MED13L: variants seen among roughly 807,000 people sequenced by gnomAD.
MED13L encodes mediator of RNA polymerase II transcription subunit 13-like.
Under a neutral mutation model 220.9 loss-of-function variants are expected in MED13L, and 7 were observed. The observed-to-expected ratio is 0.03, with a 90% CI of 0.02 to 0.06. MED13L has a LOEUF of 0.06. Ranked by LOEUF, MED13L falls within the 10% of genes least tolerant of loss-of-function variation. The pLI, the probability that MED13L is intolerant of heterozygous loss-of-function variation, is 1.00. For synonymous variants in MED13L, 1,011 were observed against 1,015.2 expected, an observed-to-expected ratio of 1.00 and a Z score of 0.08; for missense variants, 1,965 against 2,760.5, an observed-to-expected ratio of 0.71 and a Z score of 6.46.
Position 116,008,422 on chromosome 12 carries a change from G to A in MED13L, c.1991C>T (p.Ser664Leu), listed in dbSNP as rs771261289. The A allele has an allele frequency of 6.8e-6, 11 of 1,611,350 alleles. No individual in the cohort carries two copies. The highest frequency in any genetic ancestry group is 9.3e-6 in the Non-Finnish European group (11 of 1,179,458). ...TTACCTTTGCAATGCAGTGCTCTCT[G>A]AGTTTACCTCCATTTTGGCATCACA... The part of the protein sequence containing the change: ...ERCDAKMEVN[S>L]ESTALQRLLA... The change falls in exon 10 of 31, where the codon TCA (serine) becomes TTA (leucine). Residue 664 changes from serine to leucine, a missense_variant. This residue lies in a region of MED13L where 818 missense variants were observed against 1,041.2 expected (regional missense o/e 0.79). Transcript: ENST00000281928.
intron 2 of MED13L, among the ~76,000 whole-genome samples, chr12:116,228,129 CGG>C (rs2138420767): frequency 6.6e-6 from 1 of 152,028 alleles, no homozygotes; most frequent in East Asian, 1.9e-4. Flanking sequence ...TCTACCAAGA[CGG>C]AGAGAGGTGA....
intron 5 of MED13L, among the ~76,000 whole-genome samples, chr12:116,022,197 A>G (rs1440599676): frequency 6.6e-6 from 1 of 152,176 alleles, no homozygotes; most frequent in Admixed American, 6.5e-5. Flanking sequence ...GTTCTGAAGG[A>G]AATTCTACAT....
intron 4 of MED13L, among the ~76,000 whole-genome samples, chr12:116,046,361 C>G (rs1027088753): frequency 6.6e-6 from 1 of 152,040 alleles, no homozygotes; most frequent in African/African-American, 2.4e-5. Flanking sequence ...AGTTAATGCT[C>G]TGATACAAAA....
At chr12:116,028,193 A>C (rs1880516197) in intron 4 of MED13L, among the ~76,000 whole-genome samples, 1 of 152,218 alleles carries the variant, frequency 6.6e-6, no homozygotes, top group African/African-American at 2.4e-5. Flanking sequence ...AATTTGTTAA[A>C]ATGAGATCAG....
At chr12:116,067,744 G>C (rs890383630) in intron 4 of MED13L, among the ~76,000 whole-genome samples, 2 of 152,172 alleles carry the variant, frequency 1.3e-5, no homozygotes, top group African/African-American at 4.8e-5. Flanking sequence ...ACTACTAAAA[G>C]CACCAGACAC....
intron 10 of MED13L, chr12:116,008,001 G>T (rs1352114260): frequency 1.8e-5 from 6 of 328,842 alleles, no homozygotes; most frequent in Non-Finnish European, 3.3e-5. Flanking sequence ...GCTCAAAAGA[G>T]CTATAAATAT....
chr12:116,008,423 A>C lies in MED13L; in HGVS notation c.1990T>G (p.Ser664Ala). Residue 664 changes from serine to alanine, a missense_variant, in exon 10 of 31, where the codon TCA (serine) becomes GCA (alanine). Coordinates refer to ENST00000281928, the MANE Select transcript of MED13L (RefSeq NM_015335.5). ...ERCDAKMEVNSESTALQRLLA... is the reference protein window; with the variant it reads ...ERCDAKMEVNAESTALQRLLA... The stretch of plus-strand genomic sequence containing the variant: ...TACCTTTGCAATGCAGTGCTCTCTG[A>C]GTTTACCTCCATTTTGGCATCACAT... 6.2e-7 allele frequency: 1 copy of C among 1,611,456 alleles called. No individual in the cohort carries two copies. The highest frequency in any genetic ancestry group is 1.3e-5 in the African/African-American group (1 of 74,924).
chr12:116,165,569 T>TC (rs894669734), intron 2 of MED13L, among the ~76,000 whole-genome samples: 7 of 151,162 alleles, frequency 4.6e-5, no homozygotes, highest in Admixed American at 1.3e-4. Context: ...TACCTCGTGA[T>TC]CCCCCCCGCC....
intron 1 of MED13L, among the ~76,000 whole-genome samples, chr12:116,247,220 A>G (rs947113813): frequency 3.9e-5 from 6 of 151,916 alleles, no homozygotes; most frequent in African/African-American, 1.4e-4. Flanking sequence ...ATTCTGTAAG[A>G]GTATATAGCT....
intron 16 of MED13L, among the ~76,000 whole-genome samples, chr12:115,993,494 A>T (rs1251050539): frequency 6.6e-6 from 1 of 152,168 alleles, no homozygotes; most frequent in Non-Finnish European, 1.5e-5. Flanking sequence ...TAAAAGTCCA[A>T]ATCAGGCACT....
intron 4 of MED13L, among the ~76,000 whole-genome samples, chr12:116,084,345 A>C (rs1871462451): frequency 6.6e-6 from 1 of 152,216 alleles, no homozygotes; most frequent in Non-Finnish European, 1.5e-5. Context: ...CTCGTGTTCA[A>C]GTCAGTAGTA....
intron 1 of MED13L, among the ~76,000 whole-genome samples, chr12:116,244,539 G>T (rs188499675): frequency 6.6e-6 from 1 of 152,296 alleles, no homozygotes; most frequent in African/African-American, 2.4e-5. Context: ...TGAAGAAAGA[G>T]ATACAACCCA....
intron 2 of MED13L, among the ~76,000 whole-genome samples, chr12:116,194,691 A>C (rs1881506642): frequency 6.6e-6 from 1 of 152,250 alleles, no homozygotes; most frequent in East Asian, 1.9e-4. Flanking sequence ...AGATTGTTTA[A>C]AAAATCAAAA....
intron 2 of MED13L, among the ~76,000 whole-genome samples, chr12:116,113,528 G>C (rs1036023187): frequency 6.7e-6 from 1 of 149,608 alleles, no homozygotes; most frequent in Non-Finnish European, 1.5e-5. Flanking sequence ...AGTTGTGCAC[G>C]CCTGTTGTCC....
At chr12:116,071,119 C>A (rs1157496452) in intron 4 of MED13L, among the ~76,000 whole-genome samples, 1 of 151,898 alleles carries the variant, frequency 6.6e-6, no homozygotes, top group Non-Finnish European at 1.5e-5. Flanking sequence ...GAGAAGACAA[C>A]AGTTCATTAC....
chr12:116,197,785 A>G (rs1175189669), intron 2 of MED13L, among the ~76,000 whole-genome samples: 1 of 152,082 alleles, frequency 6.6e-6, no homozygotes, highest in African/African-American at 2.4e-5. Flanking sequence ...AAAAAAGGAA[A>G]AAAAAAAAGC....
chr12:116,153,199 G>A (rs763952052), intron 2 of MED13L, among the ~76,000 whole-genome samples: 3 of 152,192 alleles, frequency 2.0e-5, no homozygotes, highest in Non-Finnish European at 4.4e-5. Context: ...GTGCTGGAAG[G>A]TGGAATGACC....
In MED13L at chr12:115,975,636, A is replaced by G. The variant is rs1876884047; in HGVS notation, c.5467T>C (p.Tyr1823His). The G allele has an allele frequency of 1.2e-6, 2 of 1,613,962 alleles. No individual in the cohort carries two copies. Among genetic ancestry groups the G allele is most frequent in the African/African-American group, 1.3e-5 (1 of 74,908 alleles). ...CAATAGCCCACGAAGAGCACATTGT[A>G]TTTCTGGCTCGCCTCACCAAACGTC... ...GETFGEASQK[Y>H]NVLFVGYCLS... The change falls in exon 24 of 31, where the codon TAC becomes CAC. Residue 1823 changes from tyrosine to histidine, a missense_variant. Around this residue, in one of 10 missense-constraint regions of MED13L, gnomAD observed 510 missense variants for 620.4 expected, o/e 0.82. Coordinates refer to ENST00000281928, the MANE Select transcript of MED13L (RefSeq NM_015335.5).
chr12:116,020,931 A>G (rs1268394439), intron 5 of MED13L, among the ~76,000 whole-genome samples: 2 of 152,114 alleles, frequency 1.3e-5, no homozygotes, highest in African/African-American at 2.4e-5. Flanking sequence ...CAAGAGAGAG[A>G]CAGTTATAGA....
Sources: allele counts gnomAD v4.1 joint callset (sites outside exome capture counted in the v4.1 genomes callset), GRCh38; gene constraint gnomAD v4.1.1; regional missense constraint gnomAD v4.1.1; transcripts MANE v1.5; gene names NCBI Gene and HGNC (gene_info 2026-07-23, HGNC 2026-07-21).